The following CRPPA variants were observed in gnomAD, a reference collection of about 807,000 sequenced individuals.
The protein encoded by CRPPA is CDP-L-ribitol pyrophosphorylase A.
A neutral mutation model predicts 52.0 loss-of-function variants in CRPPA; 43 were observed. That is an observed-to-expected ratio of 0.83 (90% CI 0.65 to 1.07). The LOEUF is 1.07. Among genes scored for constraint, CRPPA ranks in the 50% least tolerant of loss-of-function variants. The pLI is 0.00. For synonymous variants in CRPPA, 250 were observed against 203.5 expected (o/e 1.23, Z -1.94); for missense variants, 629 against 551.7 (o/e 1.14, Z -1.40).
intron 6 of CRPPA, chr7:16,261,804 A>G (rs1583475339): frequency 1.3e-5 from 2 of 152,108 alleles, no homozygotes; most frequent in South Asian, 2.1e-4. Context: ...TTGGATTTCA[A>G]TGTCAAGCAG....
chr7:16,212,894 CTT>C (rs146379941), intron 9 of CRPPA, among the ~76,000 whole-genome samples: 5,513 of 152,252 alleles, frequency 0.036, 250 homozygotes, highest in East Asian at 0.19. Flanking sequence ...TTATGGGAAA[CTT>C]TTAAACTTTG....
Position 16,278,160 on chromosome 7 carries a change from A to G in CRPPA, c.902T>C (p.Leu301Pro). The change falls in exon 6 of 10, where the codon CTT (leucine) becomes CCT (proline). Residue 301 changes from leucine (L) to proline (P), a missense_variant. Coordinates refer to ENST00000407010, the MANE Select transcript of CRPPA (RefSeq NM_001101426.4). Reference sequence around the variant, plus strand: ...TTCACTTTTCAGCACTTCTTCAAGAAGATGACCTACATGTTTGTTATCTTC... The same window carrying G: ...TTCACTTTTCAGCACTTCTTCAAGAGGATGACCTACATGTTTGTTATCTTC... ...TEEDNKHVGH[L>P]LEEVLKSELN... 6.3e-7 allele frequency: 1 copy of G among 1,576,634 alleles called. No individual in the cohort carries two copies. The highest frequency in any genetic ancestry group is 1.1e-5 in the South Asian group (1 of 88,328).
At chr7:16,135,927 G>A (rs1782754876) in intron 9 of CRPPA, among the ~76,000 whole-genome samples, 1 of 152,094 alleles carries the variant, frequency 6.6e-6, no homozygotes, top group Admixed American at 6.6e-5. Context: ...ATGTATTTAT[G>A]TACCATTTTC....
chr7:16,169,876 G>A (rs1236940023), intron 9 of CRPPA, among the ~76,000 whole-genome samples: 1 of 152,166 alleles, frequency 6.6e-6, no homozygotes, highest in African/African-American at 2.4e-5. Context: ...TCACTGTATT[G>A]AAGGAAAAGG....
rs1383773220 is a variant in CRPPA at position 16,340,066 on chromosome 7, G to C, written c.685-31439C>G. On this transcript the variant is annotated intron_variant, in intron 3 of 9. Coordinates refer to ENST00000407010, the MANE Select transcript of CRPPA (RefSeq NM_001101426.4). ...GGACATCCAGATGCAAAAAATAAAA[G>C]TCTAGAAAGACTTTACATCTTTCAC... Among the ~76,000 whole-genome samples the C allele has an allele frequency of 2.6e-5, 4 of 152,010 alleles. No individual in the cohort carries two copies. In the East Asian group the frequency reaches 7.7e-4, roughly 29 times the overall value.
chr7:16,131,218 G>A (rs1460867995), intron 9 of CRPPA, among the ~76,000 whole-genome samples: 1 of 152,188 alleles, frequency 6.6e-6, no homozygotes, highest in Non-Finnish European at 1.5e-5. Flanking sequence ...GGTAGAGACT[G>A]AGTTTTGAGG....
chr7:16,354,048 T>C (rs942159596), intron 3 of CRPPA, among the ~76,000 whole-genome samples: 5 of 151,962 alleles, frequency 3.3e-5, no homozygotes, highest in African/African-American at 7.2e-5. Flanking sequence ...CCATAAAAAA[T>C]TGTTTTACTA....
intron 9 of CRPPA, among the ~76,000 whole-genome samples, chr7:16,092,398 C>T (rs981017819): frequency 2.0e-5 from 3 of 152,124 alleles, no homozygotes; most frequent in African/African-American, 7.2e-5. Context: ...TTTCAGGTCT[C>T]TGTGTTGTGA....
chr7:16,194,848 G>GTTT (rs11393399), intron 9 of CRPPA, among the ~76,000 whole-genome samples: 129 of 147,572 alleles, frequency 8.7e-4, no homozygotes, highest in African/African-American at 3.1e-3. Flanking sequence ...TGGTCTTTTG[G>GTTT]TTTTTTTTTT....
At chr7:16,127,097 A>G (rs1463029274) in intron 9 of CRPPA, among the ~76,000 whole-genome samples, 1 of 152,216 alleles carries the variant, frequency 6.6e-6, no homozygotes, top group African/African-American at 2.4e-5. Context: ...TTTCATTCAC[A>G]TATAAAAATC....
At chr7:16,261,435 C>A (rs1221143159) in intron 6 of CRPPA, among the ~76,000 whole-genome samples, 1 of 151,918 alleles carries the variant, frequency 6.6e-6, no homozygotes, top group African/African-American at 2.4e-5. Context: ...AAATCTAAAA[C>A]GTTTATTAGA....
intron 8 of CRPPA, among the ~76,000 whole-genome samples, chr7:16,252,283 C>T (rs1783478763): frequency 1.3e-5 from 2 of 152,170 alleles, no homozygotes; most frequent in South Asian, 4.1e-4. Context: ...ATCACATAAA[C>T]AGAACCAACA....
At chr7:16,397,391 T>C (rs1247884020) in intron 2 of CRPPA, among the ~76,000 whole-genome samples, 3 of 152,098 alleles carry the variant, frequency 2.0e-5, no homozygotes, top group African/African-American at 4.8e-5. Context: ...ATATGACAGA[T>C]GTGACAACTG....
chr7:16,258,308 G>T, intron 8 of CRPPA, 82 bp downstream of exon 8: 1 of 827,614 alleles, frequency 1.2e-6, no homozygotes, highest in Non-Finnish European at 1.9e-6. Context: ...GCTCTCAATT[G>T]GATGAGTTTT....
At chr7:16,344,418 A>C (rs989859027) in intron 3 of CRPPA, among the ~76,000 whole-genome samples, 6 of 151,240 alleles carry the variant, frequency 4.0e-5, no homozygotes, top group African/African-American at 1.5e-4. Flanking sequence ...AAAAAAAAAA[A>C]AAAAAAAATT....
At chr7:16,224,801 TATTTC>T (rs1782606940) in intron 8 of CRPPA, among the ~76,000 whole-genome samples, 1 of 152,144 alleles carries the variant, frequency 6.6e-6, no homozygotes, top group African/African-American at 2.4e-5. Context: ...AAAACTATCT[TATTTC>T]AACTATTTAA....
chr7:16,172,248 T>G (rs573438300), intron 9 of CRPPA, among the ~76,000 whole-genome samples: 44 of 152,262 alleles, frequency 2.9e-4, no homozygotes, highest in African/African-American at 1.0e-3. Flanking sequence ...CTAAGGAGCT[T>G]GGTGTTCATT....
chr7:16,334,713 A>T (rs1439989972), intron 3 of CRPPA, among the ~76,000 whole-genome samples: 2 of 152,194 alleles, frequency 1.3e-5, no homozygotes, highest in Admixed American at 6.5e-5. Context: ...GAGCACAGTC[A>T]GCAATACTAT....
intron 9 of CRPPA, among the ~76,000 whole-genome samples, chr7:16,193,278 GT>G (rs1318039998): frequency 1.3e-5 from 2 of 151,900 alleles, no homozygotes; most frequent in African/African-American, 4.8e-5. Context: ...CCTCTTTTAT[GT>G]TTTATTATGC....
Sources: allele counts gnomAD v4.1 joint callset (sites outside exome capture counted in the v4.1 genomes callset), GRCh38; gene constraint gnomAD v4.1.1; transcripts MANE v1.5; gene names NCBI Gene and HGNC (gene_info 2026-07-23, HGNC 2026-07-21).